Variants in TRIO observed in about 807,000 individuals in gnomAD.
TRIO encodes the protein trio Rho guanine nucleotide exchange factor.
A neutral mutation model predicts 351.9 loss-of-function variants in TRIO; 58 were observed. The observed-to-expected ratio is 0.16, with a 90% confidence interval of 0.13 to 0.21. TRIO has a LOEUF of 0.21. Ranked by LOEUF, TRIO falls within the 10% of genes least tolerant of loss-of-function variation. The pLI is 1.00. For missense variants in TRIO, 3,201 were observed against 4,027.8 expected, an observed-to-expected ratio of 0.79 and a Z score of 5.56; for synonymous variants, 1,758 against 1,595.7, an observed-to-expected ratio of 1.10 and a Z score of -2.42.
chr5:14,265,995 AAT>A (rs960969441), intron 1 of TRIO, among the ~76,000 whole-genome samples: 1 of 152,112 alleles, frequency 6.6e-6, no homozygotes, highest in African/African-American at 2.4e-5. Context: ...ATGCTGTGGA[AAT>A]ATATTTATTT....
At chr5:14,392,237 C>CA (rs1214570844) in intron 27 of TRIO, among the ~76,000 whole-genome samples, 4 of 132,660 alleles carry the variant, frequency 3.0e-5, no homozygotes, top group Admixed American at 2.1e-4. Context: ...AACAAATTTA[C>CA]AAGAAAAAAA....
intron 8 of TRIO, among the ~76,000 whole-genome samples, chr5:14,313,508 T>A (rs1739108148): frequency 6.6e-6 from 1 of 152,232 alleles, no homozygotes; most frequent in Non-Finnish European, 1.5e-5. Context: ...TGCTGAGGGC[T>A]GGGAACTCAT....
At chr5:14,281,753 G>A (rs1471727622) in intron 3 of TRIO, among the ~76,000 whole-genome samples, 1 of 152,156 alleles carries the variant, frequency 6.6e-6, no homozygotes, top group Non-Finnish European at 1.5e-5. Context: ...GGTAGAGTGA[G>A]AGGAGGTGTT....
chr5:14,479,214 G>T, intron 41 of TRIO, 47 bp from the exon 42 acceptor site: 1 of 1,516,872 alleles, frequency 6.6e-7, no homozygotes, highest in South Asian at 1.1e-5. Flanking sequence ...TATTCTAATC[G>T]AATTTCCCAT....
intron 34 of TRIO, among the ~76,000 whole-genome samples, chr5:14,439,877 T>C (rs1429906257): frequency 6.6e-6 from 1 of 152,232 alleles, no homozygotes; most frequent in Non-Finnish European, 1.5e-5. Flanking sequence ...GACAGTTTTC[T>C]CTGGGTGCCC....
At chr5:14,211,000 A>C (rs955155942) in intron 1 of TRIO, among the ~76,000 whole-genome samples, 2 of 152,124 alleles carry the variant, frequency 1.3e-5, no homozygotes, top group Non-Finnish European at 2.9e-5. Context: ...TAGATAACTT[A>C]GGTCTATTTC....
At position 14,482,678 on chromosome 5, in the gene TRIO, A is replaced by G. The variant is rs757822070; in HGVS notation, c.6562A>G (p.Ile2188Val). The G allele has an allele frequency of 6.2e-7, 1 of 1,612,038 alleles. No homozygotes were observed. The highest frequency in any genetic ancestry group is 8.5e-7 in the Non-Finnish European group (1 of 1,178,692). Residue 2188 changes from isoleucine (I) to valine (V), a missense_variant, in exon 46 of 57, where the codon ATC becomes GTC. Coordinates refer to ENST00000344204, the MANE Select transcript of TRIO (RefSeq NM_007118.4). ...TCTGCCTCGCTGCAGAGAGAGGCGC[A>G]TCTTCCTCTTTGAGCAGATCGTCAT... ...GLLPRCRERR[I>V]FLFEQIVIFS...
chr5:14,190,000 G>T (rs1041813802), intron 1 of TRIO, among the ~76,000 whole-genome samples: 1 of 152,172 alleles, frequency 6.6e-6, no homozygotes, highest in South Asian at 2.1e-4. Context: ...GGGATTACAG[G>T]TGTGAGCTAC....
At chr5:14,299,854 C>T (rs1030608443) in intron 7 of TRIO, among the ~76,000 whole-genome samples, 15 of 152,214 alleles carry the variant, frequency 9.9e-5, no homozygotes, top group East Asian at 9.6e-4. Context: ...TAACGGCAGC[C>T]GCCTTCTCTG....
chr5:14,292,969 C>A (rs756132139), intron 5 of TRIO, 43 bp from the exon 6 acceptor site: 1 of 1,612,384 alleles, frequency 6.2e-7, no homozygotes, highest in African/African-American at 1.3e-5. Context: ...TCAGTAATTT[C>A]TCTTTCTGGA....
chr5:14,205,769 G>A (rs1296001249), intron 1 of TRIO, among the ~76,000 whole-genome samples: 1 of 152,204 alleles, frequency 6.6e-6, no homozygotes, highest in African/African-American at 2.4e-5. Flanking sequence ...GTCTCATGCT[G>A]TCACCCGGGC....
At chr5:14,426,926 G>A (rs1215681986) in intron 34 of TRIO, among the ~76,000 whole-genome samples, 1 of 152,062 alleles carries the variant, frequency 6.6e-6, no homozygotes, top group Non-Finnish European at 1.5e-5. Flanking sequence ...TTATTTGCTG[G>A]GACCGTTACT....
At chr5:14,177,217 T>C (rs1457257896) in intron 1 of TRIO, among the ~76,000 whole-genome samples, 1 of 152,208 alleles carries the variant, frequency 6.6e-6, no homozygotes, top group East Asian at 1.9e-4. Context: ...GTTATATACG[T>C]GAGAAAACTC....
At chr5:14,299,905 T>C (rs1276421141) in intron 7 of TRIO, among the ~76,000 whole-genome samples, 1 of 152,246 alleles carries the variant, frequency 6.6e-6, no homozygotes, top group Non-Finnish European at 1.5e-5. Context: ...GGCCCTGCCC[T>C]CTCTCTCCAT....
At chr5:14,265,875 T>C (rs984263898) in intron 1 of TRIO, among the ~76,000 whole-genome samples, 1 of 152,172 alleles carries the variant, frequency 6.6e-6, no homozygotes, top group African/African-American at 2.4e-5. Flanking sequence ...TTCCATCTTA[T>C]GAATATAAAT....
intron 1 of TRIO, among the ~76,000 whole-genome samples, chr5:14,210,226 A>G (rs1037280691): frequency 2.6e-5 from 4 of 152,202 alleles, no homozygotes; most frequent in African/African-American, 7.2e-5. Context: ...GTGAAATGGC[A>G]TGAAATTAAA....
In TRIO at chr5:14,143,800, C is replaced by T. The variant is rs1787321275; in HGVS notation, c.75C>T (p.Gly25=). 1.9e-6 allele frequency: 2 copies of T among 1,047,336 alleles called. No homozygotes were observed. Among genetic ancestry groups the T allele is most frequent in the South Asian group, 4.4e-5 (1 of 22,680 alleles). 64.9% of individuals were successfully genotyped at this position (1,047,336 alleles called of 1,614,324 possible). Residue 25 remains glycine (G), a synonymous_variant, in exon 1 of 57, where the codon GGC becomes GGT. Transcript: ENST00000344204. ...SGPAAAASAA[G]SGCGGGAGEG... is the part of the protein sequence containing the mutation. ...CCGCCGCGGCGGCCAGCGCGGCTGG[C>T]TCGGGCTGCGGGGGCGGTGCCGGCG... is the stretch of plus-strand genomic sequence containing the variant.
chr5:14,443,873 A>C lies in TRIO; in HGVS notation c.5204-17146A>C, dbSNP rs149582655. 9.5e-3 allele frequency among the ~76,000 whole-genome samples: 1,449 copies of C among 152,362 alleles called. 22 individuals are homozygous for C. Among genetic ancestry groups the C allele is most frequent in the African/African-American group, 0.033 (1,386 of 41,588 alleles). ...GTTTCCAATGGGAGAGCCTAGTTCT[A>C]CGGATAAGAGAGTGGAACTATTGGG... On this transcript the variant is annotated intron_variant, in intron 34 of 56. Transcript: ENST00000344204.
intron 34 of TRIO, among the ~76,000 whole-genome samples, chr5:14,434,640 A>G (rs1006033971): frequency 1.3e-5 from 2 of 152,366 alleles, no homozygotes; most frequent in Middle Eastern, 6.8e-3. Context: ...ACCCGAATGC[A>G]GTGCTCTTAA....
Sources: allele counts gnomAD v4.1 joint callset (sites outside exome capture counted in the v4.1 genomes callset), GRCh38; gene constraint gnomAD v4.1.1; transcripts MANE v1.5; gene names NCBI Gene and HGNC (gene_info 2026-07-23, HGNC 2026-07-21).